Variants in MACROD2 observed in about 807,000 individuals in gnomAD.
MACROD2 encodes ADP-ribose glycohydrolase MACROD2.
In MACROD2, 36 loss-of-function variants were observed where a neutral mutation model predicts 70.4. That is an observed-to-expected ratio of 0.51 (90% CI 0.39 to 0.68). The LOEUF (loss-of-function observed/expected upper bound fraction) is 0.68, where lower values mean the gene tolerates loss of function less well. Ranked by LOEUF, MACROD2 falls within the 30% of genes least tolerant of loss-of-function variation. The pLI, the probability that MACROD2 is intolerant of heterozygous loss-of-function variation, is 0.00. For missense variants in MACROD2, 496 were observed against 538.4 expected (o/e 0.92, Z 0.78); for synonymous variants, 172 against 178.8 (o/e 0.96, Z 0.30).
chr20:14,934,581 G>A (rs1009149593), intron 5 of MACROD2, among the ~76,000 whole-genome samples: 17 of 152,164 alleles, frequency 1.1e-4, no homozygotes, highest in Admixed American at 7.2e-4. Context: ...GAGGTTAGGA[G>A]TTCGAGACCA....
At chr20:14,091,054 A>G (rs1050379733) in intron 3 of MACROD2, among the ~76,000 whole-genome samples, 1 of 152,064 alleles carries the variant, frequency 6.6e-6, no homozygotes, top group Middle Eastern at 3.2e-3. Context: ...TCTTCTGAGA[A>G]ATGTCTGTTC....
intron 8 of MACROD2, among the ~76,000 whole-genome samples, chr20:15,752,384 T>C (rs1057204316): frequency 6.6e-6 from 1 of 152,088 alleles, no homozygotes; most frequent in African/African-American, 2.4e-5. Flanking sequence ...CAATTAGAGA[T>C]AAATCAAAAC....
intron 4 of MACROD2, among the ~76,000 whole-genome samples, chr20:14,538,139 G>C (rs2085388989): frequency 6.6e-6 from 1 of 152,126 alleles, no homozygotes; most frequent in Non-Finnish European, 1.5e-5. Flanking sequence ...TTTAAAACAT[G>C]AAAAGAAACT....
intron 5 of MACROD2, among the ~76,000 whole-genome samples, chr20:15,224,615 T>TAACCA (rs562187116): frequency 9.2e-5 from 14 of 152,156 alleles, no homozygotes; most frequent in Non-Finnish European, 1.6e-4. Flanking sequence ...GTTGTTGAGG[T>TAACCA]AACCAAAGGA....
chr20:14,593,320 A>G (rs1444869095), intron 4 of MACROD2, among the ~76,000 whole-genome samples: 1 of 152,198 alleles, frequency 6.6e-6, no homozygotes, highest in African/African-American at 2.4e-5. Flanking sequence ...TATCTGTGCA[A>G]GTAACATTCT....
At chr20:15,196,999 A>C (rs61730660) in intron 5 of MACROD2, 4 of 985,082 alleles carry the variant, frequency 4.1e-6, no homozygotes, top group Non-Finnish European at 1.2e-6. Flanking sequence ...GAAACTCAAC[A>C]CTCAGGAAGG....
At chr20:14,712,803 A>G (rs1048572468) in intron 5 of MACROD2, among the ~76,000 whole-genome samples, 1 of 152,126 alleles carries the variant, frequency 6.6e-6, no homozygotes, top group East Asian at 1.9e-4. Flanking sequence ...ATACAATAGG[A>G]GGATTAATGG....
intron 3 of MACROD2, among the ~76,000 whole-genome samples, chr20:14,427,323 C>T (rs549050039): frequency 1.3e-5 from 2 of 151,916 alleles, no homozygotes; most frequent in South Asian, 4.2e-4. Context: ...GAAGATTTGC[C>T]CCAGTTAGGT....
intron 13 of MACROD2, 71 bp downstream of exon 13, chr20:15,967,701 A>C (rs1451561322): frequency 2.9e-5 from 33 of 1,139,828 alleles, no homozygotes; most frequent in South Asian, 4.4e-5. Context: ...AAAAAAAAAA[A>C]CCCACAGACT....
intron 5 of MACROD2, among the ~76,000 whole-genome samples, chr20:14,917,843 C>T (rs872132): frequency 0.3 from 45,073 of 151,706 alleles, 7,072 homozygotes; most frequent in East Asian, 0.51. Flanking sequence ...GCAGTGGGGG[C>T]GAAAGTCAAA....
chr20:15,307,142 T>C (rs1349405931), intron 6 of MACROD2, among the ~76,000 whole-genome samples: 1 of 152,140 alleles, frequency 6.6e-6, no homozygotes, highest in Non-Finnish European at 1.5e-5. Context: ...ACATGAGATT[T>C]GGAGAGCAAA....
chr20:14,985,267 C>T (rs949113575), intron 5 of MACROD2, among the ~76,000 whole-genome samples: 6 of 152,166 alleles, frequency 3.9e-5, no homozygotes, highest in Non-Finnish European at 7.3e-5. Flanking sequence ...CCCCAGGATG[C>T]CAAAGCAAAC....
At chr20:14,221,921 A>G (rs1259305902) in intron 3 of MACROD2, among the ~76,000 whole-genome samples, 2 of 152,252 alleles carry the variant, frequency 1.3e-5, no homozygotes, top group Non-Finnish European at 2.9e-5. Flanking sequence ...TAAAACCACA[A>G]TGAGATATCA....
intron 5 of MACROD2, among the ~76,000 whole-genome samples, chr20:15,182,926 C>G (rs868270143): frequency 3.9e-5 from 6 of 152,120 alleles, no homozygotes; most frequent in African/African-American, 1.4e-4. Flanking sequence ...ATTAAAATAT[C>G]ATTATGAGCT....
rs2073216224 is a variant in MACROD2 at position 14,853,109 on chromosome 20, T to C, written c.418+168150T>C. Among the ~76,000 whole-genome samples the C allele has an allele frequency of 1.3e-5, 2 of 151,968 alleles. 1 individual carries two copies. Among genetic ancestry groups the C allele is most frequent in the African/African-American group, 4.8e-5 (2 of 41,380 alleles). ...ATGGGGAAATTCTATAGTGTTTTAA[T>C]AGGAAGCAGCTTCACTGTTTTCATT... On this transcript the variant is annotated intron_variant, in intron 5 of 17. Transcript: ENST00000684519.
At chr20:14,520,219 GT>G (rs1041908185) in intron 4 of MACROD2, among the ~76,000 whole-genome samples, 2 of 151,902 alleles carry the variant, frequency 1.3e-5, no homozygotes, top group African/African-American at 2.4e-5. Flanking sequence ...TAAAGTAAAA[GT>G]TTTTTTTAAG....
rs116265017 is a variant in MACROD2, at chr20:15,934,499, C to T, written c.838+1161C>T. Among the ~76,000 whole-genome samples the T allele has an allele frequency of 4.5e-3, 690 of 152,220 alleles. 5 individuals carry two copies. Among genetic ancestry groups the T allele is most frequent in the African/African-American group, 0.015 (643 of 41,536 alleles). On this transcript the variant is annotated intron_variant, in intron 11 of 17. Coordinates refer to ENST00000684519, the MANE Select transcript of MACROD2 (RefSeq NM_001351661.2). ...AAACTGTTGTTATCCAACCCTCCCC[C>T]ACCCCCAACCCACACATTCTGCTCC...
chr20:14,781,159 C>A (rs1440306480), intron 5 of MACROD2, among the ~76,000 whole-genome samples: 1 of 152,076 alleles, frequency 6.6e-6, no homozygotes, highest in Non-Finnish European at 1.5e-5. Flanking sequence ...TTCTCAGCTG[C>A]AACTTTGTAT....
At chr20:15,674,398 G>C (rs1378041692) in intron 8 of MACROD2, among the ~76,000 whole-genome samples, 1 of 152,146 alleles carries the variant, frequency 6.6e-6, no homozygotes, top group African/African-American at 2.4e-5. Context: ...GGGAGCAGCA[G>C]TGGGTGCGAA....
Sources: gnomAD v4.1 joint callset for allele counts (sites outside exome capture counted in the v4.1 genomes callset) on GRCh38, gnomAD v4.1.1 for gene constraint, MANE v1.5 for transcripts, NCBI Gene and HGNC (gene_info 2026-07-23, HGNC 2026-07-21) for gene names.